TOX: variants seen among roughly 807,000 people sequenced by gnomAD.
TOX encodes the protein thymocyte selection associated high mobility group box.
TOX carries 11 observed loss-of-function variants against 53.7 expected under a neutral mutation model. The observed-to-expected ratio is 0.20, with a 90% confidence interval of 0.13 to 0.34. The LOEUF (loss-of-function observed/expected upper bound fraction) is 0.34. Among genes scored for constraint, TOX ranks in the 10% least tolerant of loss-of-function variants. The probability of loss-of-function intolerance (pLI) is 1.00; values close to 1 mark genes in which losing one functional copy is unlikely to be tolerated. For synonymous variants in TOX, 225 were observed against 245.3 expected, an observed-to-expected ratio of 0.92 and a Z score of 0.77; for missense variants, 570 against 664.6, an observed-to-expected ratio of 0.86 and a Z score of 1.56.
chr8:58,823,460 G>C (rs978359920), intron 6 of TOX, among the ~76,000 whole-genome samples: 1 of 152,164 alleles, frequency 6.6e-6, no homozygotes, highest in Non-Finnish European at 1.5e-5. Context: ...CTGACCTCAA[G>C]TGATCTGCCT....
chr8:58,853,227 C>A lies in TOX; in HGVS notation c.412-1422G>T, dbSNP rs184820151. 2.6e-5 allele frequency among the ~76,000 whole-genome samples: 4 copies of A among 152,276 alleles called. No homozygotes were observed. The East Asian group carries it at 7.7e-4, about 29-fold the overall frequency. ...CACGCACAGTTCAAGGTATCCTAGA[C>A]CTCTGGCTGGCCTCATGATTTGTAC... On this transcript the variant is annotated intron_variant, in intron 3 of 8. Transcript: ENST00000361421.
chr8:58,915,237 C>T (rs374233604), intron 3 of TOX, among the ~76,000 whole-genome samples: 10 of 145,924 alleles, frequency 6.9e-5, no homozygotes, highest in South Asian at 6.8e-4. Flanking sequence ...GTAGGCTCCA[C>T]CTCTGGGGGC....
intron 1 of TOX, among the ~76,000 whole-genome samples, chr8:58,974,399 G>A (rs1813055694): frequency 6.6e-6 from 1 of 152,136 alleles, no homozygotes; most frequent in Non-Finnish European, 1.5e-5. Flanking sequence ...ACAATGAGAT[G>A]TTTCACTTAG....
chr8:58,905,329 A>C (rs1811795452), intron 3 of TOX, among the ~76,000 whole-genome samples: 1 of 152,244 alleles, frequency 6.6e-6, no homozygotes. Context: ...TTCATTAACC[A>C]AATGACTACT....
At chr8:58,870,347 G>T (rs1263176509) in intron 3 of TOX, among the ~76,000 whole-genome samples, 1 of 151,962 alleles carries the variant, frequency 6.6e-6, no homozygotes, top group Non-Finnish European at 1.5e-5. Flanking sequence ...ACAAGTACAG[G>T]ACTTACACAC....
At chr8:59,003,239 C>A (rs1048908026) in intron 1 of TOX, among the ~76,000 whole-genome samples, 2 of 152,008 alleles carry the variant, frequency 1.3e-5, no homozygotes, top group African/African-American at 4.8e-5. Flanking sequence ...GAACAACTTG[C>A]GCGGTATTAT....
intron 1 of TOX, among the ~76,000 whole-genome samples, chr8:58,999,656 T>C (rs1417281844): frequency 6.6e-6 from 1 of 152,184 alleles, no homozygotes; most frequent in Non-Finnish European, 1.5e-5. Flanking sequence ...TGAGTTGCTA[T>C]AGCAGAACTC....
At chr8:59,104,110 C>A (rs1350820463) in intron 1 of TOX, among the ~76,000 whole-genome samples, 2 of 152,164 alleles carry the variant, frequency 1.3e-5, no homozygotes, top group Non-Finnish European at 2.9e-5. Flanking sequence ...ACATGTGAGT[C>A]CGCCCAGGGA....
chr8:59,086,979 G>C (rs1012574898), intron 1 of TOX, among the ~76,000 whole-genome samples: 2 of 152,172 alleles, frequency 1.3e-5, no homozygotes, highest in African/African-American at 2.4e-5. Flanking sequence ...GAGAAAGAAA[G>C]ATTATATCTG....
At chr8:58,873,434 C>T (rs1455270210) in intron 3 of TOX, among the ~76,000 whole-genome samples, 2 of 152,082 alleles carry the variant, frequency 1.3e-5, no homozygotes, top group African/African-American at 2.4e-5. Context: ...TATCTGTTGT[C>T]CGTACTACAA....
chr8:59,023,241 T>A (rs10504278), intron 1 of TOX, among the ~76,000 whole-genome samples: 2,440 of 138,280 alleles, frequency 0.018, 24 homozygotes, highest in Middle Eastern at 0.062. Flanking sequence ...TCCAGTTTAG[T>A]ACACAGTTAA....
chr8:58,960,268 G>C (rs550248464), intron 1 of TOX, among the ~76,000 whole-genome samples: 4 of 152,164 alleles, frequency 2.6e-5, no homozygotes, highest in African/African-American at 9.6e-5. Flanking sequence ...AGAAATGAAT[G>C]GTTTCCTTTC....
chr8:59,036,381 C>G (rs1345869172), intron 1 of TOX, among the ~76,000 whole-genome samples: 2 of 152,184 alleles, frequency 1.3e-5, no homozygotes, highest in African/African-American at 4.8e-5. Context: ...GAGACTCTGG[C>G]CTCTCATCCC....
intron 5 of TOX, 83 bp downstream of exon 5, chr8:58,837,998 T>C: frequency 7.5e-7 from 1 of 1,332,598 alleles, no homozygotes; most frequent in South Asian, 1.3e-5. Context: ...TCTAAAGAAT[T>C]TACCCCAAGC....
intron 3 of TOX, among the ~76,000 whole-genome samples, chr8:58,937,381 A>G (rs2129176258): frequency 6.6e-6 from 1 of 152,332 alleles, no homozygotes; most frequent in Admixed American, 6.5e-5. Flanking sequence ...GCATAAGGAA[A>G]TTTTATGAAC....
chr8:59,112,801 A>G (rs1805039165), intron 1 of TOX, among the ~76,000 whole-genome samples: 1 of 152,198 alleles, frequency 6.6e-6, no homozygotes, highest in Admixed American at 6.5e-5. Context: ...GATGTGCTAC[A>G]ATCTTGTTTT....
chr8:59,017,649 G>T (rs956870986), intron 1 of TOX, among the ~76,000 whole-genome samples: 1 of 152,160 alleles, frequency 6.6e-6, no homozygotes, highest in African/African-American at 2.4e-5. Flanking sequence ...GAACAATTAC[G>T]TTGAATATGT....
chr8:58,956,221 A>C (rs1812705320), intron 2 of TOX, among the ~76,000 whole-genome samples: 1 of 152,234 alleles, frequency 6.6e-6, no homozygotes, highest in East Asian at 1.9e-4. Context: ...CAACAGCCTC[A>C]TATAAAGGAC....
chr8:58,943,267 C>A (rs1186812904), intron 2 of TOX, among the ~76,000 whole-genome samples: 1 of 152,132 alleles, frequency 6.6e-6, no homozygotes, highest in Non-Finnish European at 1.5e-5. Flanking sequence ...ACTGCTGGGG[C>A]ACGTGAAGGA....
Sources: allele counts gnomAD v4.1 joint callset (sites outside exome capture counted in the v4.1 genomes callset), GRCh38; gene constraint gnomAD v4.1.1; transcripts MANE v1.5; gene names NCBI Gene and HGNC (gene_info 2026-07-23, HGNC 2026-07-21).